Variants in VSIG10 observed in about 807,000 individuals in gnomAD.
VSIG10 encodes the protein V-set and immunoglobulin domain containing 10, also known as V-set and immunoglobulin domain-containing protein 10.
VSIG10 carries 48 observed loss-of-function variants against 58.7 expected under a neutral mutation model. The observed-to-expected ratio is 0.82, with a 90% CI of 0.65 to 1.04. VSIG10 has a LOEUF of 1.04. Among genes scored for constraint, VSIG10 ranks in the 50% least tolerant of loss-of-function variants. VSIG10 has a pLI of 0.00. For synonymous variants in VSIG10, 260 were observed against 267.1 expected (o/e 0.97, Z 0.26); for missense variants, 628 against 670.0 (o/e 0.94, Z 0.69).
chr12:118,074,689 G>C (rs2032641827), intron 4 of VSIG10, among the ~76,000 whole-genome samples: 1 of 151,876 alleles, frequency 6.6e-6, no homozygotes, highest in Non-Finnish European at 1.5e-5. Flanking sequence ...ATATTGGCCA[G>C]GCTAGTCTCA....
chr12:118,103,500 G>T, intron 1 of VSIG10, 93 bp downstream of exon 1: 2 of 1,294,208 alleles, frequency 1.5e-6, no homozygotes, highest in African/African-American at 1.6e-5. Context: ...CCACGGATCC[G>T]GGCGGAGTCG....
intron 7 of VSIG10, 96 bp downstream of exon 7, chr12:118,070,956 A>G: frequency 7.1e-7 from 1 of 1,417,682 alleles, no homozygotes; most frequent in Non-Finnish European, 9.8e-7. Flanking sequence ...CCTCAATGGT[A>G]GTTGCTATTA....
intron 1 of VSIG10, chr12:118,101,564 T>TC (rs1318611869): frequency 6.6e-6 from 1 of 152,136 alleles, no homozygotes; most frequent in Non-Finnish European, 1.5e-5. Flanking sequence ...TAATATAAAC[T>TC]CCCTGATGCT....
In VSIG10 at chr12:118,071,188, G is replaced by GAT. The variant is rs1426829049; in HGVS notation, c.1331-123_1331-122dup. On this transcript the variant is annotated intron_variant, in intron 6 of 8. Transcript: ENST00000359236. ...AGAAAACTGACTCAATATGACAGGT[G>GAT]ATAGGGTGTCCCGGGATGGTACTTA... 2.4e-6 allele frequency: 3 copies of GAT among 1,267,932 alleles called. No individual in the cohort carries two copies. The Admixed American group carries it at 5.9e-5, about 25-fold the overall frequency. 78.5% of individuals were successfully genotyped at this position (1,267,932 alleles called of 1,614,324 possible).
In VSIG10 at chr12:118,103,732, A is replaced by G. The variant is rs2137974237; in HGVS notation, c.-61T>C. ...GGGCTGGGCTGGACGTGTGTGCCCC[A>G]GGGCCCCGGGGCCCGGGGTACCGAG... On this transcript the variant is annotated 5_prime_UTR_variant, in exon 1 of 9. Coordinates refer to ENST00000359236, the MANE Select transcript of VSIG10 (RefSeq NM_019086.6). 7.3e-7 allele frequency: 1 copy of G among 1,373,186 alleles called. No individual in the cohort carries two copies. The highest frequency in any genetic ancestry group is 1.5e-5 in the African/African-American group (1 of 65,260). 85.1% of individuals were successfully genotyped at this position (1,373,186 alleles called of 1,614,324 possible). A position where few individuals can be genotyped will look rare whatever the true frequency, so the allele number is the denominator to read the frequency against.
At position 118,100,781 on chromosome 12, in the gene VSIG10, G is replaced by T. The variant is rs991837222; in HGVS notation, c.79+2812C>A. 3.3e-4 allele frequency among the ~76,000 whole-genome samples: 50 copies of T among 152,096 alleles called. 1 individual carries two copies. The highest frequency in any genetic ancestry group is 8.3e-4 in the South Asian group (4 of 4,830). ...TGACCTCAGGTGATCTGCCCACTTC[G>T]GCCTCCAAAAGTGCTGGGATTACAG... On this transcript the variant is annotated intron_variant, in intron 1 of 8. Transcript: ENST00000359236.
At chr12:118,074,191 A>C (rs985932538) in intron 4 of VSIG10, among the ~76,000 whole-genome samples, 199 bp from the exon 5 acceptor site, 2 of 150,770 alleles carry the variant, frequency 1.3e-5, no homozygotes, top group African/African-American at 2.4e-5. Context: ...GGTTCAAGCA[A>C]TTCTCCTGCC....
In VSIG10 at chr12:118,072,841, T is replaced by C. The variant is rs928655504; in HGVS notation, c.1219+858A>G. On this transcript the variant is annotated intron_variant, in intron 5 of 8. Transcript: ENST00000359236. ...AAAATTCAGTATGCCCAGTGAAATT[T>C]GGATTTCAGATAAACAATGAATAGT... Among the ~76,000 whole-genome samples the C allele has an allele frequency of 3.9e-5, 6 of 152,336 alleles. No individual in the cohort carries two copies. In the East Asian group the frequency reaches 9.6e-4, roughly 24 times the overall value.
chr12:118,076,560 A>ACTC (rs1256881037), intron 4 of VSIG10, among the ~76,000 whole-genome samples: 2 of 151,968 alleles, frequency 1.3e-5, no homozygotes, highest in African/African-American at 4.8e-5. Context: ...CTGGTCTCAA[A>ACTC]CTCCTGGGCC....
intron 1 of VSIG10, among the ~76,000 whole-genome samples, chr12:118,097,368 C>T (rs567289159): frequency 1.3e-5 from 2 of 152,290 alleles, no homozygotes; most frequent in African/African-American, 2.4e-5. Context: ...AATTCCAGCA[C>T]GCTGGGAGGC....
intron 2 of VSIG10, 139 bp from the exon 3 acceptor site, chr12:118,082,568 A>T: frequency 1.2e-6 from 1 of 855,208 alleles, no homozygotes; most frequent in South Asian, 1.8e-5. Context: ...GACAAATGCT[A>T]TGCCAAGTGC....
At chr12:118,075,035 G>A (rs1196123644) in intron 4 of VSIG10, among the ~76,000 whole-genome samples, 2 of 151,088 alleles carry the variant, frequency 1.3e-5, no homozygotes, top group Non-Finnish European at 2.9e-5. Flanking sequence ...TGTGCCTAAT[G>A]TATAAATTAA....
At chr12:118,079,752 A>C in intron 3 of VSIG10, 146 bp from the exon 4 acceptor site, 1 of 1,156,904 alleles carries the variant, frequency 8.6e-7, no homozygotes, top group Non-Finnish European at 1.2e-6. Context: ...GCACAAATTC[A>C]TGCCTGACAA....
intron 2 of VSIG10, among the ~76,000 whole-genome samples, chr12:118,084,351 T>G (rs1199855655): frequency 6.6e-6 from 1 of 152,178 alleles, no homozygotes; most frequent in East Asian, 1.9e-4. Flanking sequence ...TATTTACTCT[T>G]TAGACCAGGA....
At chr12:118,092,829 T>A (rs1372468252) in intron 2 of VSIG10, among the ~76,000 whole-genome samples, 1 of 151,642 alleles carries the variant, frequency 6.6e-6, no homozygotes, top group African/African-American at 2.4e-5. Flanking sequence ...AGAAATGGGG[T>A]CTTGCTATGT....
chr12:118,079,097 C>T (rs1203132674), intron 4 of VSIG10, among the ~76,000 whole-genome samples: 1 of 152,066 alleles, frequency 6.6e-6, no homozygotes, highest in Non-Finnish European at 1.5e-5. Flanking sequence ...CTGTACCTGG[C>T]ACATAGCAGG....
intron 2 of VSIG10, among the ~76,000 whole-genome samples, chr12:118,088,036 G>A (rs1160451138): frequency 6.6e-6 from 1 of 151,860 alleles, no homozygotes; most frequent in East Asian, 1.9e-4. Context: ...ACGAGGTTAG[G>A]AGTTCAAGAC....
At chr12:118,078,592 GC>G (rs2032819102) in intron 4 of VSIG10, among the ~76,000 whole-genome samples, 2 of 152,114 alleles carry the variant, frequency 1.3e-5, no homozygotes, top group Admixed American at 6.6e-5. Flanking sequence ...CTCACCAGAA[GC>G]CAAGCAGATG....
At position 118,082,299 on chromosome 12, in the gene VSIG10, T is replaced by C. The variant is rs748246557; in HGVS notation, c.492A>G (p.Glu164=). The change falls in exon 3 of 9, where the codon GAA becomes GAG. Residue 164 remains glutamate, a synonymous_variant. Coordinates refer to ENST00000359236, the MANE Select transcript of VSIG10 (RefSeq NM_019086.6). ...NSSSRPPPVV[E]WWFQALNSSS... is the part of the protein sequence containing the mutation. ...TGGAATTCAGGGCCTGGAACCACCA[T>C]TCAACCACGGGTGGTGGCCTGGAGC... is the stretch of plus-strand genomic sequence containing the variant. 14 of 1,613,968 alleles carry C rather than the reference T, an allele frequency of 8.7e-6. No homozygotes were observed. The highest frequency in any genetic ancestry group is 1.1e-5 in the Non-Finnish European group (13 of 1,179,892).
Sources: allele counts gnomAD v4.1 joint callset (sites outside exome capture counted in the v4.1 genomes callset), GRCh38; gene constraint gnomAD v4.1.1; transcripts MANE v1.5; gene names NCBI Gene and HGNC (gene_info 2026-07-23, HGNC 2026-07-21).